Variants in TBC1D2B observed in about 807,000 individuals in gnomAD.
The protein encoded by TBC1D2B is TBC1 domain family member 2B, also known as TBC1 domain family, member 2B.
TBC1D2B carries 64 observed loss-of-function variants against 100.8 expected under a neutral mutation model. That is an observed-to-expected ratio of 0.64 (90% CI 0.52 to 0.78). TBC1D2B has a LOEUF of 0.78. Among genes scored for constraint, TBC1D2B ranks in the 30% least tolerant of loss-of-function variants. The pLI is 0.00. For synonymous variants in TBC1D2B, 480 were observed against 479.7 expected (o/e 1.00, Z -0.01); for missense variants, 1,052 against 1,218.4 (o/e 0.86, Z 2.03).
At chr15:78,043,262 C>A (rs886325756) in intron 3 of TBC1D2B, among the ~76,000 whole-genome samples, 2 of 152,168 alleles carry the variant, frequency 1.3e-5, no homozygotes, top group Non-Finnish European at 2.9e-5. Context: ...CACCCCAGCC[C>A]CATCCTGAAA....
At chr15:78,001,377 T>G (rs577555266) in intron 12 of TBC1D2B, among the ~76,000 whole-genome samples, 2 of 152,364 alleles carry the variant, frequency 1.3e-5, no homozygotes, top group South Asian at 4.1e-4. Context: ...AAACTATTGC[T>G]GTTCGTTGTT....
intron 1 of TBC1D2B, among the ~76,000 whole-genome samples, chr15:78,076,213 T>C (rs1339325809): frequency 2.0e-5 from 3 of 152,202 alleles, no homozygotes; most frequent in Non-Finnish European, 4.4e-5. Flanking sequence ...CTGACTCTAC[T>C]CTCCTGCTTC....
chr15:78,062,969 C>T (rs1055198230), intron 1 of TBC1D2B, among the ~76,000 whole-genome samples: 3 of 152,112 alleles, frequency 2.0e-5, no homozygotes, highest in African/African-American at 4.8e-5. Flanking sequence ...GTCTGGGCCT[C>T]GGATTCCTTG....
At chr15:78,022,419 T>G (rs2072537861) in intron 6 of TBC1D2B, among the ~76,000 whole-genome samples, 1 of 152,164 alleles carries the variant, frequency 6.6e-6, no homozygotes, top group African/African-American at 2.4e-5. Context: ...CCAAAATGTG[T>G]ATTATTGATG....
chr15:78,071,804 CCT>C (rs1301355419), intron 1 of TBC1D2B, among the ~76,000 whole-genome samples: 1 of 152,182 alleles, frequency 6.6e-6, no homozygotes, highest in Admixed American at 6.5e-5. Flanking sequence ...GGGCACCTTA[CCT>C]TAGTCGGTTC....
chr15:78,056,050 T>C (rs1391526334), intron 1 of TBC1D2B, among the ~76,000 whole-genome samples: 1 of 152,206 alleles, frequency 6.6e-6, no homozygotes, highest in Non-Finnish European at 1.5e-5. Flanking sequence ...GTCTATCTTC[T>C]CCAAGAAACA....
intron 1 of TBC1D2B, among the ~76,000 whole-genome samples, chr15:78,060,013 T>C (rs1239384602): frequency 6.6e-6 from 1 of 152,170 alleles, no homozygotes; most frequent in Non-Finnish European, 1.5e-5. Flanking sequence ...TGTCCACCTA[T>C]CAAAATTTAC....
chr15:78,059,093 C>T (rs2073487427), intron 1 of TBC1D2B, among the ~76,000 whole-genome samples: 1 of 152,238 alleles, frequency 6.6e-6, no homozygotes, highest in Non-Finnish European at 1.5e-5. Flanking sequence ...AATGCAAAGG[C>T]CACCTCTTCA....
chr15:78,068,383 C>CCACACACACACACACACACACA (rs35403620), intron 1 of TBC1D2B, among the ~76,000 whole-genome samples: 2 of 143,012 alleles, frequency 1.4e-5, no homozygotes, highest in Admixed American at 7.0e-5. Flanking sequence ...CACACCACAC[C>CCACACACACACACACACACACA]CACACACACA....
At chr15:78,008,039 A>C (rs1452200568) in intron 10 of TBC1D2B, among the ~76,000 whole-genome samples, 2 of 152,248 alleles carry the variant, frequency 1.3e-5, no homozygotes, top group African/African-American at 4.8e-5. Flanking sequence ...AAGAGACACG[A>C]GACAGGGCAG....
In TBC1D2B at chr15:78,067,949, C is replaced by A. The variant is rs753566036; in HGVS notation, c.360+9344G>T. ...GGAGCTTTCTTGATAATCAGTTATA[C>A]AGAACTCTCCAATTCTGCAGTGTTC... On this transcript the variant is annotated intron_variant, in intron 1 of 12. Coordinates refer to ENST00000300584, the MANE Select transcript of TBC1D2B (RefSeq NM_144572.2). 2.8e-4 allele frequency among the ~76,000 whole-genome samples: 42 copies of A among 152,232 alleles called. 1 individual carries two copies. The highest frequency in any genetic ancestry group is 6.0e-4 in the Non-Finnish European group (41 of 68,048).
chr15:78,053,697 A>G (rs1296234561), intron 2 of TBC1D2B: 3 of 203,484 alleles, frequency 1.5e-5, no homozygotes, highest in Non-Finnish European at 2.0e-5. Flanking sequence ...CTGCCCAAGC[A>G]TGACTATCTA....
At position 78,077,364 on chromosome 15, in the gene TBC1D2B, C is replaced by A; in HGVS notation, c.289G>T (p.Ala97Ser). 1.9e-6 allele frequency: 3 copies of A among 1,540,302 alleles called. No homozygotes were observed. The highest frequency in any genetic ancestry group is 2.6e-6 in the Non-Finnish European group (3 of 1,143,264). Residue 97 changes from alanine (A) to serine (S), a missense_variant, in exon 1 of 13, where the codon GCG becomes TCG. Ala to Ser is a moderately conservative substitution (Grantham distance 99). Transcript: ENST00000300584. ...GGCGGCTCCGTGCCCGGCTCCGCCG[C>A]CTCGTCGGGGCCCTGGTAGCTGAAG... ...ACFSYQGPDE[A>S]AEPGTEPPAH...
intron 9 of TBC1D2B, 57 bp downstream of exon 9, chr15:78,012,766 A>C (rs1006765900): frequency 9.7e-5 from 136 of 1,397,746 alleles, no homozygotes; most frequent in Non-Finnish European, 1.2e-4. Flanking sequence ...GCCAGGCAGC[A>C]CCGGTGCCTA....
At chr15:78,073,700 G>A (rs1022200073) in intron 1 of TBC1D2B, among the ~76,000 whole-genome samples, 7 of 152,152 alleles carry the variant, frequency 4.6e-5, no homozygotes, top group South Asian at 2.1e-4. Context: ...GGCTGGGTGC[G>A]GTGGCTCATA....
rs577450692 is a variant in TBC1D2B at position 78,056,462 on chromosome 15, G to A, written c.361-2275C>T. On this transcript the variant is annotated intron_variant, in intron 1 of 12. Coordinates refer to ENST00000300584, the MANE Select transcript of TBC1D2B (RefSeq NM_144572.2). ...GTTTGCATAGGAGGAGATTAGTTCAGGCCAGAGGCCGTGAGCCCACTTGGG... is the reference window on the plus strand; with the variant it reads ...GTTTGCATAGGAGGAGATTAGTTCAAGCCAGAGGCCGTGAGCCCACTTGGG... Among the ~76,000 whole-genome samples, 8 of 152,362 alleles carry A rather than the reference G, an allele frequency of 5.3e-5. No individual in the cohort carries two copies. The East Asian group carries it at 1.5e-3, about 29-fold the overall frequency.
intron 11 of TBC1D2B, 64 bp downstream of exon 11, chr15:78,003,241 C>T: frequency 5.3e-6 from 8 of 1,506,214 alleles, no homozygotes; most frequent in Non-Finnish European, 7.3e-6. Context: ...GCTCTACCGC[C>T]ACCAACGCTG....
intron 10 of TBC1D2B, among the ~76,000 whole-genome samples, chr15:78,004,755 A>G (rs2072021646): frequency 6.6e-6 from 1 of 152,228 alleles, no homozygotes; most frequent in South Asian, 2.1e-4. Flanking sequence ...TCCATAGTGT[A>G]AAAAACAACT....
chr15:78,007,655 T>C (rs1377864217), intron 10 of TBC1D2B, among the ~76,000 whole-genome samples: 2 of 152,140 alleles, frequency 1.3e-5, no homozygotes, highest in Admixed American at 6.5e-5. Context: ...ACAGAGTGAA[T>C]GTCATCCAGG....
Sources: allele counts gnomAD v4.1 joint callset (sites outside exome capture counted in the v4.1 genomes callset), GRCh38; gene constraint gnomAD v4.1.1; transcripts MANE v1.5; gene names NCBI Gene and HGNC (gene_info 2026-07-23, HGNC 2026-07-21).